Variants in ERP44 observed in about 807,000 individuals in gnomAD.
ERP44 encodes the protein endoplasmic reticulum resident protein 44.
In ERP44, 25 loss-of-function variants were observed where a neutral mutation model predicts 53.4. That is an observed-to-expected ratio of 0.47 (90% confidence interval 0.34 to 0.65). The LOEUF (loss-of-function observed/expected upper bound fraction) is 0.65. Ranked by LOEUF, ERP44 falls within the 30% of genes least tolerant of loss-of-function variation. ERP44 has a pLI of 0.01. For synonymous variants in ERP44, 145 were observed against 161.2 expected, an observed-to-expected ratio of 0.90 and a Z score of 0.76; for missense variants, 338 against 493.2, an observed-to-expected ratio of 0.69 and a Z score of 2.98.
intron 1 of ERP44, among the ~76,000 whole-genome samples, chr9:100,082,837 G>C (rs1258156845): frequency 1.3e-5 from 2 of 150,918 alleles, no homozygotes; most frequent in African/African-American, 4.9e-5. Context: ...ATATTAAAAA[G>C]CATGCTCTAA....
intron 1 of ERP44, among the ~76,000 whole-genome samples, chr9:100,066,365 C>G (rs1826209771): frequency 1.3e-5 from 2 of 152,172 alleles, no homozygotes; most frequent in Non-Finnish European, 2.9e-5. Context: ...AAAAAAACAG[C>G]TTAAACAGAT....
At chr9:100,031,230 A>G (rs1032472439) in intron 4 of ERP44, among the ~76,000 whole-genome samples, 4 of 151,938 alleles carry the variant, frequency 2.6e-5, no homozygotes. Flanking sequence ...ATTTTGTTCT[A>G]TGTCTTTGGG....
Position 99,982,381 on chromosome 9 carries a change from A to C in ERP44, c.*231T>G. The C allele has an allele frequency of 4.4e-6, 1 of 228,424 alleles. No homozygotes were observed. Among genetic ancestry groups the C allele is most frequent in the Non-Finnish European group, 8.3e-6 (1 of 120,768 alleles). 14.1% of individuals were successfully genotyped at this position (228,424 alleles called of 1,614,324 possible). The stretch of plus-strand genomic sequence containing the variant: ...TTTACAGGACAGATTTAAAGTGGAG[A>C]TAGGCCTCTGATTTTTATTTTTAAA... On this transcript the variant is annotated 3_prime_UTR_variant, in exon 12 of 12. Transcript: ENST00000262455.
At chr9:100,078,146 G>T (rs1826379692) in intron 1 of ERP44, among the ~76,000 whole-genome samples, 1 of 152,208 alleles carries the variant, frequency 6.6e-6, no homozygotes, top group African/African-American at 2.4e-5. Flanking sequence ...GTGCATGTAT[G>T]TATACACTTG....
At chr9:100,076,676 T>C (rs1826360203) in intron 1 of ERP44, among the ~76,000 whole-genome samples, 1 of 152,166 alleles carries the variant, frequency 6.6e-6, no homozygotes, top group South Asian at 2.1e-4. Flanking sequence ...GGAAAATTGG[T>C]GACAAAGAAA....
intron 1 of ERP44, among the ~76,000 whole-genome samples, chr9:100,070,098 C>T (rs1013500096): frequency 2.6e-5 from 4 of 152,180 alleles, no homozygotes; most frequent in African/African-American, 9.7e-5. Flanking sequence ...AATGGCAGTA[C>T]TAACAAAGCA....
chr9:99,984,311 T>C (rs1830176418), intron 11 of ERP44, among the ~76,000 whole-genome samples: 1 of 152,062 alleles, frequency 6.6e-6, no homozygotes, highest in Non-Finnish European at 1.5e-5. Context: ...ATGATAGAAA[T>C]CATAATCTAT....
chr9:100,053,596 A>G (rs533506813), intron 3 of ERP44, among the ~76,000 whole-genome samples: 9 of 152,346 alleles, frequency 5.9e-5, no homozygotes, highest in African/African-American at 2.2e-4. Flanking sequence ...ATGTTAATAT[A>G]CTAAATACTG....
In ERP44 at chr9:100,078,641, G is replaced by A. The variant is rs548198728; in HGVS notation, c.58-18469C>T. On this transcript the variant is annotated intron_variant, in intron 1 of 11. Coordinates refer to ENST00000262455, the MANE Select transcript of ERP44 (RefSeq NM_015051.3). Reference sequence around the variant, plus strand: ...GTGGTAGCAGGCACCTGTGATCCCAGCTACTTGGGAGGCTGAGGCAGGAGA... The same window carrying A: ...GTGGTAGCAGGCACCTGTGATCCCAACTACTTGGGAGGCTGAGGCAGGAGA... 3.3e-5 allele frequency among the ~76,000 whole-genome samples: 5 copies of A among 151,996 alleles called. No homozygotes were observed. The East Asian group carries it at 5.8e-4, about 18-fold the overall frequency.
intron 3 of ERP44, among the ~76,000 whole-genome samples, chr9:100,057,052 A>C (rs1157417104): frequency 2.0e-5 from 3 of 152,142 alleles, no homozygotes; most frequent in Admixed American, 2.0e-4. Context: ...AAATGAGGAG[A>C]CTGTAGCATG....
chr9:100,040,792 T>A (rs1825891696), intron 4 of ERP44, among the ~76,000 whole-genome samples: 1 of 152,138 alleles, frequency 6.6e-6, no homozygotes, highest in Non-Finnish European at 1.5e-5. Context: ...TAAGAACTGA[T>A]AAACAAATTC....
chr9:100,067,887 C>A (rs1393654429), intron 1 of ERP44, among the ~76,000 whole-genome samples: 2 of 151,728 alleles, frequency 1.3e-5, no homozygotes, highest in Non-Finnish European at 2.9e-5. Context: ...GCAGCCGCCC[C>A]GCCTGAGAAG....
At chr9:100,010,981 A>T (rs1669259088) in intron 8 of ERP44, among the ~76,000 whole-genome samples, 2 of 152,096 alleles carry the variant, frequency 1.3e-5, no homozygotes, top group South Asian at 4.1e-4. Flanking sequence ...AAAAAGTCTA[A>T]TCCACCCTCT....
At chr9:99,997,255 T>C (rs980266580) in intron 10 of ERP44, among the ~76,000 whole-genome samples, 12 of 152,208 alleles carry the variant, frequency 7.9e-5, no homozygotes, top group African/African-American at 2.9e-4. Context: ...CTAGTCTACA[T>C]TCCCACCAGC....
intron 1 of ERP44, among the ~76,000 whole-genome samples, chr9:100,095,662 G>A (rs967822563): frequency 6.6e-6 from 1 of 151,858 alleles, no homozygotes; most frequent in Non-Finnish European, 1.5e-5. Context: ...ACCTGGTATT[G>A]GGCCCCGATA....
chr9:100,080,553 A>G (rs565926627), intron 1 of ERP44, among the ~76,000 whole-genome samples: 2 of 152,196 alleles, frequency 1.3e-5, no homozygotes, highest in African/African-American at 4.8e-5. Context: ...GATTTTAATG[A>G]TCTAGTATAA....
chr9:100,068,850 G>A (rs566554263), intron 1 of ERP44, among the ~76,000 whole-genome samples: 2 of 152,218 alleles, frequency 1.3e-5, no homozygotes, highest in Admixed American at 6.5e-5. Flanking sequence ...GAATGGAAAG[G>A]GGGGAAAGGT....
chr9:100,084,384 C>T (rs1826459437), intron 1 of ERP44, among the ~76,000 whole-genome samples: 1 of 152,186 alleles, frequency 6.6e-6, no homozygotes, highest in African/African-American at 2.4e-5. Context: ...TTAACAAACA[C>T]CATTTCAGAA....
At chr9:100,044,467 A>C (rs1327025577) in intron 4 of ERP44, among the ~76,000 whole-genome samples, 2 of 152,150 alleles carry the variant, frequency 1.3e-5, no homozygotes, top group Non-Finnish European at 2.9e-5. Context: ...GAAATTCTTA[A>C]ATGAATGAAA....
Sources: gnomAD v4.1 joint callset for allele counts (sites outside exome capture counted in the v4.1 genomes callset) on GRCh38, gnomAD v4.1.1 for gene constraint, MANE v1.5 for transcripts, NCBI Gene and HGNC (gene_info 2026-07-23, HGNC 2026-07-21) for gene names.